The following CFAP300 variants were observed in gnomAD, a reference collection of about 807,000 sequenced individuals.
CFAP300 encodes the protein cilia- and flagella-associated protein 300.
Under a neutral mutation model 33.0 loss-of-function variants are expected in CFAP300, and 32 were observed. The ratio of observed to expected loss-of-function variants is 0.97; its 90% CI spans 0.73 to 1.30. CFAP300 has a LOEUF of 1.30. CFAP300 is among the 50% of genes most tolerant of loss of function. CFAP300 has a pLI of 0.00. For synonymous variants in CFAP300, 102 were observed against 106.8 expected, an observed-to-expected ratio of 0.95 and a Z score of 0.28; for missense variants, 356 against 318.1, an observed-to-expected ratio of 1.12 and a Z score of -0.90.
rs146325325 is a variant in CFAP300 at position 102,080,695 on chromosome 11, C to T, written c.609-520C>T. 7.8e-3 allele frequency among the ~76,000 whole-genome samples: 1,189 copies of T among 152,174 alleles called. 18 individuals carry two copies. The highest frequency in any genetic ancestry group is 0.027 in the African/African-American group (1,105 of 41,502). ...GATTACAGCCATGAGCCACCGCGAC[C>T]GGCCCACAAATAGTTTTTATATACA... is the stretch of plus-strand genomic sequence containing the variant. On this transcript the variant is annotated intron_variant, in intron 5 of 6. Coordinates refer to ENST00000434758, the MANE Select transcript of CFAP300 (RefSeq NM_032930.3).
intron 4 of CFAP300, among the ~76,000 whole-genome samples, chr11:102,074,873 TG>T (rs1373469257): frequency 6.6e-6 from 1 of 151,958 alleles, no homozygotes; most frequent in Non-Finnish European, 1.5e-5. Flanking sequence ...CAGCTTATTT[TG>T]GGGGGTGGTT....
chr11:102,048,913 T>C (rs879702352), intron 2 of CFAP300, among the ~76,000 whole-genome samples: 4 of 152,176 alleles, frequency 2.6e-5, no homozygotes, highest in African/African-American at 9.6e-5. Context: ...AGTTTATAGT[T>C]TGGCATAACA....
chr11:102,074,717 C>CT (rs550128294), intron 4 of CFAP300, among the ~76,000 whole-genome samples: 1,830 of 143,164 alleles, frequency 0.013, 32 homozygotes, highest in South Asian at 0.033. Flanking sequence ...ATTTCACATT[C>CT]TTTTTTTTTT....
intron 4 of CFAP300, among the ~76,000 whole-genome samples, chr11:102,067,044 TAA>T (rs1942238530): frequency 6.6e-6 from 1 of 152,140 alleles, no homozygotes; most frequent in Non-Finnish European, 1.5e-5. Context: ...AAATGAATAT[TAA>T]AAACATCCCG....
chr11:102,072,332 G>A (rs1163099161), intron 4 of CFAP300, among the ~76,000 whole-genome samples: 2 of 151,908 alleles, frequency 1.3e-5, no homozygotes, highest in Non-Finnish European at 2.9e-5. Context: ...TCTGTTTGGT[G>A]CTTTTTAATG....
chr11:102,056,331 A>G (rs1942056394), intron 2 of CFAP300, among the ~76,000 whole-genome samples: 1 of 152,242 alleles, frequency 6.6e-6, no homozygotes, highest in Non-Finnish European at 1.5e-5. Flanking sequence ...ATCCAAAAGT[A>G]GAGTTTGTTG....
At chr11:102,049,511 A>G (rs1941937444) in intron 2 of CFAP300, among the ~76,000 whole-genome samples, 1 of 152,218 alleles carries the variant, frequency 6.6e-6, no homozygotes, top group Non-Finnish European at 1.5e-5. Flanking sequence ...TAAATTGGTT[A>G]AATGTCTACC....
chr11:102,083,283 T>G lies in CFAP300; in HGVS notation c.*84T>G. On this transcript the variant is annotated 3_prime_UTR_variant, in exon 7 of 7. Transcript: ENST00000434758. ...CTAACTTATAGATAAACATATACTT[T>G]GCAAATTAATTCAAGAAAAATGTAA... is the stretch of plus-strand genomic sequence containing the variant. 8.9e-7 allele frequency: 1 copy of G among 1,120,272 alleles called. No homozygotes were observed. The highest frequency in any genetic ancestry group is 1.2e-6 in the Non-Finnish European group (1 of 866,240). The allele number at this position is 1,120,272 out of a possible 1,614,324, so 69.4% of individuals were successfully genotyped here. A position where few individuals can be genotyped will look rare whatever the true frequency, so the allele number is the denominator to read the frequency against.
intron 2 of CFAP300, among the ~76,000 whole-genome samples, chr11:102,053,074 C>G (rs1941995166): frequency 6.7e-6 from 1 of 149,908 alleles, no homozygotes; most frequent in South Asian, 2.1e-4. Flanking sequence ...CTAAAAAACA[C>G]AAAAATTAGG....
chr11:102,072,052 A>G (rs1308685768), intron 4 of CFAP300, among the ~76,000 whole-genome samples: 1 of 152,094 alleles, frequency 6.6e-6, no homozygotes, highest in Non-Finnish European at 1.5e-5. Context: ...GTTTTCAGCT[A>G]TTATTTTGTT....
intron 5 of CFAP300, among the ~76,000 whole-genome samples, chr11:102,079,512 T>C (rs1280381558): frequency 6.6e-6 from 1 of 152,180 alleles, no homozygotes; most frequent in East Asian, 1.9e-4. Flanking sequence ...CCTAAGATTG[T>C]TGAACCCTGA....
In CFAP300 at chr11:102,047,688, C is replaced by A. The variant is rs570905734; in HGVS notation, c.110+108C>A. 4.8e-6 allele frequency: 7 copies of A among 1,450,736 alleles called. No individual in the cohort carries two copies. The East Asian group carries it at 9.9e-5, about 20-fold the overall frequency. The allele number at this position is 1,450,736 out of a possible 1,614,324, so 89.9% of individuals were successfully genotyped here. On this transcript the variant is annotated intron_variant, in intron 1 of 6. Coordinates refer to ENST00000434758, the MANE Select transcript of CFAP300 (RefSeq NM_032930.3). Reference sequence around the variant, plus strand: ...GCGGGTCGGCGCCATTCTGAGTGAACCCTGAGGCTTCCTGAGTGAACCCCG... The same window carrying A: ...GCGGGTCGGCGCCATTCTGAGTGAAACCTGAGGCTTCCTGAGTGAACCCCG...
chr11:102,047,468 A>G lies in CFAP300; in HGVS notation c.-3A>G, dbSNP rs1476992253. ...CCCAGGCATCCACCCAGCCGAGAGC[A>G]CGATGGCTACTGGGGAGCTCGGGGA... On this transcript the variant is annotated 5_prime_UTR_variant, in exon 1 of 7. Transcript: ENST00000434758. 2.6e-6 allele frequency: 4 copies of G among 1,535,590 alleles called. No individual in the cohort carries two copies. Among genetic ancestry groups the G allele is most frequent in the Non-Finnish European group, 2.6e-6 (3 of 1,146,540 alleles).
At chr11:102,049,495 A>G (rs1333005764) in intron 2 of CFAP300, among the ~76,000 whole-genome samples, 1 of 152,212 alleles carries the variant, frequency 6.6e-6, no homozygotes, top group Non-Finnish European at 1.5e-5. Flanking sequence ...AACCCATAAC[A>G]GAGAGTAAAT....
intron 4 of CFAP300, among the ~76,000 whole-genome samples, chr11:102,070,569 C>T (rs1942298751): frequency 6.6e-6 from 1 of 151,886 alleles, no homozygotes; most frequent in Non-Finnish European, 1.5e-5. Context: ...TTTATTTGTG[C>T]TCTGGTATTT....
At chr11:102,067,297 G>A (rs1433559481) in intron 4 of CFAP300, among the ~76,000 whole-genome samples, 4 of 152,174 alleles carry the variant, frequency 2.6e-5, no homozygotes, top group African/African-American at 7.2e-5. Context: ...AGTCAAGGCT[G>A]CAATGAGCTG....
At chr11:102,052,396 C>T (rs1284773504) in intron 2 of CFAP300, among the ~76,000 whole-genome samples, 4 of 152,070 alleles carry the variant, frequency 2.6e-5, no homozygotes, top group Non-Finnish European at 5.9e-5. Context: ...TTAAAATACT[C>T]GCGTGAATAT....
chr11:102,047,922 C>T (rs550630583), intron 2 of CFAP300, 26 bp downstream of exon 2: 475 of 1,607,796 alleles, frequency 3.0e-4, no homozygotes, highest in Non-Finnish European at 3.8e-4. Flanking sequence ...GGAGAGTTCC[C>T]TGGGTCTCTG....
chr11:102,078,985 C>A (rs2135050547), intron 5 of CFAP300, among the ~76,000 whole-genome samples: 1 of 152,318 alleles, frequency 6.6e-6, no homozygotes, highest in East Asian at 1.9e-4. Flanking sequence ...GCTGGGATTA[C>A]AGGTGTGAGC....
Sources: allele counts gnomAD v4.1 joint callset (sites outside exome capture counted in the v4.1 genomes callset), GRCh38; gene constraint gnomAD v4.1.1; transcripts MANE v1.5; gene names NCBI Gene and HGNC (gene_info 2026-07-23, HGNC 2026-07-21).